The following CIMIP6 variants were observed in gnomAD, a reference collection of about 807,000 sequenced individuals.
The protein encoded by CIMIP6 is uncharacterized protein C2orf73.
the CIMIP6 span, among the ~76,000 whole-genome samples, chr2:54,347,426 A>G: frequency 3.3e-5 from 5 of 152,250 alleles, no homozygotes; most frequent in Non-Finnish European, 5.9e-5. Context: ...TGGCATGCCA[A>G]TAAAAATTTG....
the CIMIP6 span, among the ~76,000 whole-genome samples, chr2:54,357,374 G>C: frequency 3.3e-5 from 5 of 152,000 alleles, no homozygotes; most frequent in African/African-American, 4.8e-5. Flanking sequence ...ATTTTTAAAA[G>C]TTAAATTTTA....
At chr2:54,374,526 A>C in the CIMIP6 span, among the ~76,000 whole-genome samples, 4 of 152,248 alleles carry the variant, frequency 2.6e-5, no homozygotes, top group East Asian at 7.7e-4. Flanking sequence ...TACAGAACCA[A>C]TAATGAATCT....
At chr2:54,381,702 C>T in the CIMIP6 span, 1 of 1,192,932 alleles carries the variant, frequency 8.4e-7, no homozygotes. Context: ...CATCCTTTCA[C>T]TCCTGTGCCA....
At chr2:54,349,156 T>G in the CIMIP6 span, among the ~76,000 whole-genome samples, 2 of 152,158 alleles carry the variant, frequency 1.3e-5, no homozygotes, top group African/African-American at 2.4e-5. Flanking sequence ...CTAAAATAGG[T>G]TTTAGTTTGT....
chr2:54,345,639 G>T, the CIMIP6 span, among the ~76,000 whole-genome samples: 4 of 152,198 alleles, frequency 2.6e-5, no homozygotes, highest in Non-Finnish European at 5.9e-5. Context: ...CAAGGCTAGA[G>T]TGAATAATTG....
chr2:54,341,606 G>C, the CIMIP6 span, among the ~76,000 whole-genome samples: 1 of 152,188 alleles, frequency 6.6e-6, no homozygotes, highest in Non-Finnish European at 1.5e-5. Context: ...CAGCAGGTTT[G>C]ATACAGCAGT....
the CIMIP6 span, among the ~76,000 whole-genome samples, chr2:54,381,312 C>T: frequency 8.1e-4 from 124 of 152,256 alleles, 1 homozygote; most frequent in African/African-American, 2.8e-3. Flanking sequence ...CCTAACTGAC[C>T]CCCAAATGAT....
chr2:54,358,859 G>T, the CIMIP6 span: 1 of 540,266 alleles, frequency 1.9e-6, no homozygotes, highest in East Asian at 3.3e-5. Context: ...CATACTTCAA[G>T]AATTTAGTTT....
At chr2:54,353,153 G>A in the CIMIP6 span, among the ~76,000 whole-genome samples, 1 of 152,132 alleles carries the variant, frequency 6.6e-6, no homozygotes, top group Non-Finnish European at 1.5e-5. Context: ...TTCAGATGTG[G>A]AAATTGCTGT....
chr2:54,344,519 G>A, the CIMIP6 span, among the ~76,000 whole-genome samples: 1,889 of 152,286 alleles, frequency 0.012, 45 homozygotes, highest in African/African-American at 0.043. Flanking sequence ...GCTACACGCC[G>A]AGCCAGCAGG....
the CIMIP6 span, among the ~76,000 whole-genome samples, chr2:54,352,300 T>C: frequency 6.6e-6 from 1 of 152,194 alleles, no homozygotes; most frequent in Admixed American, 6.5e-5. Context: ...AAATTTGTTT[T>C]ATATTGGTTT....
At chr2:54,367,962 T>C in the CIMIP6 span, among the ~76,000 whole-genome samples, 1 of 152,158 alleles carries the variant, frequency 6.6e-6, no homozygotes, top group Non-Finnish European at 1.5e-5. Context: ...GGTCACATAA[T>C]TTCCTCATTA....
At chr2:54,378,673 A>T in the CIMIP6 span, among the ~76,000 whole-genome samples, 185 of 152,360 alleles carry the variant, frequency 1.2e-3, no homozygotes, top group African/African-American at 4.2e-3. Flanking sequence ...AAGCATATAT[A>T]ACAATTCACA....
the CIMIP6 span, among the ~76,000 whole-genome samples, chr2:54,347,349 G>C: frequency 3.9e-5 from 6 of 152,188 alleles, no homozygotes; most frequent in Non-Finnish European, 7.3e-5. Flanking sequence ...TGCATTAGAA[G>C]TGTGGTTTGT....
chr2:54,356,080 A>T, the CIMIP6 span, among the ~76,000 whole-genome samples: 1 of 151,292 alleles, frequency 6.6e-6, no homozygotes, highest in Non-Finnish European at 1.5e-5. Flanking sequence ...ACCATTGTTA[A>T]TTACTGTCAC....
chr2:54,354,359 C>T, the CIMIP6 span, among the ~76,000 whole-genome samples: 1 of 152,210 alleles, frequency 6.6e-6, no homozygotes, highest in Non-Finnish European at 1.5e-5. Context: ...AAATGTATGA[C>T]ATTGCTCAAA....
chr2:54,348,003 G>C, the CIMIP6 span, among the ~76,000 whole-genome samples: 5 of 152,074 alleles, frequency 3.3e-5, no homozygotes, highest in African/African-American at 9.7e-5. Flanking sequence ...TCTTCCTTAA[G>C]GACGTAAGCC....
At chr2:54,361,364 C>T in the CIMIP6 span, 1 of 152,120 alleles carries the variant, frequency 6.6e-6, no homozygotes, top group African/African-American at 2.4e-5. Flanking sequence ...ATTCTACTTC[C>T]AATTTGGTGT....
the CIMIP6 span, among the ~76,000 whole-genome samples, chr2:54,382,480 T>G: frequency 2.0e-5 from 3 of 152,312 alleles, no homozygotes; most frequent in South Asian, 6.2e-4. Flanking sequence ...TTTAGCTACT[T>G]CATTTCACCC....
Sources: allele counts gnomAD v4.1 joint callset (sites outside exome capture counted in the v4.1 genomes callset), GRCh38; gene constraint gnomAD v4.1.1; transcripts MANE v1.5; gene names NCBI Gene and HGNC (gene_info 2026-07-23, HGNC 2026-07-21).